The following PARD3 variants were observed in gnomAD, a reference collection of about 807,000 sequenced individuals.
The protein encoded by PARD3 is partitioning defective 3 homolog.
Under a neutral mutation model 155.4 loss-of-function variants are expected in PARD3, and 75 were observed. The observed-to-expected ratio is 0.48, with a 90% CI of 0.40 to 0.58. The LOEUF is 0.58. PARD3 is among the 20% of genes least tolerant of loss of function. The pLI is 0.00. For synonymous variants in PARD3, 576 were observed against 610.5 expected, an observed-to-expected ratio of 0.94 and a Z score of 0.83; for missense variants, 1,642 against 1,721.7, an observed-to-expected ratio of 0.95 and a Z score of 0.82.
intron 2 of PARD3, among the ~76,000 whole-genome samples, chr10:34,678,956 A>T (rs1188141033): frequency 1.3e-5 from 2 of 152,076 alleles, no homozygotes; most frequent in African/African-American, 4.8e-5. Flanking sequence ...GTCCCAGAAA[A>T]AGAGTAATAC....
At chr10:34,125,144 GC>G (rs1334636518) in intron 23 of PARD3, among the ~76,000 whole-genome samples, 1 of 150,024 alleles carries the variant, frequency 6.7e-6, no homozygotes, top group East Asian at 1.9e-4. Flanking sequence ...TTGGCTCACT[GC>G]CACCTTAGCC....
intron 3 of PARD3, among the ~76,000 whole-genome samples, chr10:34,472,489 A>C (rs1383243429): frequency 1.3e-5 from 2 of 152,230 alleles, no homozygotes; most frequent in Non-Finnish European, 2.9e-5. Flanking sequence ...GTAAGGAAAA[A>C]AGCAACAAAA....
At chr10:34,639,864 A>ACACACACACAC (rs2092612170) in intron 2 of PARD3, among the ~76,000 whole-genome samples, 3 of 152,066 alleles carry the variant, frequency 2.0e-5, no homozygotes, top group Admixed American at 6.6e-5. Flanking sequence ...AGACACACAC[A>ACACACACACAC]CACACACACA....
rs182525502 is a variant in PARD3 at position 34,363,816 on chromosome 10, G to A, written c.1708-3557C>T. Reference sequence around the variant, plus strand: ...GCACATACATGTGTGTATACCTCAAGTGATTGTTTTCAGCAACAAAGCCTG... The same window carrying A: ...GCACATACATGTGTGTATACCTCAAATGATTGTTTTCAGCAACAAAGCCTG... On this transcript the variant is annotated intron_variant, in intron 12 of 24. Transcript: ENST00000374788. 3.7e-3 allele frequency among the ~76,000 whole-genome samples: 560 copies of A among 152,258 alleles called. 3 individuals are homozygous for A. The highest frequency in any genetic ancestry group is 3.6e-3 in the Non-Finnish European group (245 of 68,028).
intron 3 of PARD3, chr10:34,488,994 C>G (rs1589755497): frequency 1.3e-5 from 2 of 152,710 alleles, no homozygotes; most frequent in Admixed American, 1.3e-4. Context: ...GCCGCTTGCC[C>G]GCCCCACTAA....
At chr10:34,303,325 G>A (rs77646999) in intron 20 of PARD3, among the ~76,000 whole-genome samples, 3,839 of 152,072 alleles carry the variant, frequency 0.025, 148 homozygotes, top group African/African-American at 0.088. Flanking sequence ...CATCCTGTTA[G>A]AGTACCTACT....
At chr10:34,371,863 A>G (rs1840702414) in intron 12 of PARD3, among the ~76,000 whole-genome samples, 1 of 152,100 alleles carries the variant, frequency 6.6e-6, no homozygotes, top group African/African-American at 2.4e-5. Context: ...ACAGAGACTG[A>G]TAGAGCAATC....
chr10:34,238,512 CTCCCACACATAGGGG>C (rs750479639), intron 22 of PARD3, among the ~76,000 whole-genome samples: 11 of 152,158 alleles, frequency 7.2e-5, no homozygotes, highest in Non-Finnish European at 1.6e-4. Context: ...TCCCAAACAT[CTCCCACACATAGGGG>C]TCCCAGACAA....
intron 2 of PARD3, among the ~76,000 whole-genome samples, chr10:34,573,263 G>A (rs902518915): frequency 1.3e-5 from 2 of 152,136 alleles, no homozygotes; most frequent in African/African-American, 4.8e-5. Context: ...GGCTGAGGTT[G>A]GAGGATCACC....
At chr10:34,161,531 GA>G (rs1655941624) in intron 22 of PARD3, among the ~76,000 whole-genome samples, 1 of 152,076 alleles carries the variant, frequency 6.6e-6, no homozygotes, top group Non-Finnish European at 1.5e-5. Flanking sequence ...AAGACTGGTG[GA>G]AATCCCAAGA....
At chr10:34,802,549 G>A (rs1200579457) in intron 1 of PARD3, among the ~76,000 whole-genome samples, 3 of 152,170 alleles carry the variant, frequency 2.0e-5, no homozygotes, top group Non-Finnish European at 4.4e-5. Flanking sequence ...TACAGAGCTT[G>A]TATTATGTGT....
chr10:34,548,748 C>G (rs2084308603), intron 2 of PARD3, among the ~76,000 whole-genome samples: 1 of 151,802 alleles, frequency 6.6e-6, no homozygotes, highest in African/African-American at 2.4e-5. Flanking sequence ...ATAAAAGGGC[C>G]ACCGAGAAGG....
chr10:34,443,612 C>G (rs2076584836), intron 5 of PARD3, among the ~76,000 whole-genome samples: 2 of 152,088 alleles, frequency 1.3e-5, no homozygotes, highest in African/African-American at 4.8e-5. Flanking sequence ...ATGAGACTTA[C>G]TATCATGAGA....
chr10:34,487,821 A>G (rs555304920), intron 3 of PARD3, among the ~76,000 whole-genome samples: 1 of 152,294 alleles, frequency 6.6e-6, no homozygotes, highest in South Asian at 2.1e-4. Context: ...ACAATCATGT[A>G]ATTAAATTTT....
chr10:34,622,038 A>AT (rs1200503550), intron 2 of PARD3, among the ~76,000 whole-genome samples: 4 of 152,238 alleles, frequency 2.6e-5, no homozygotes, highest in Non-Finnish European at 5.9e-5. Context: ...ACCAGCACTC[A>AT]TAAAGGTGGC....
intron 3 of PARD3, among the ~76,000 whole-genome samples, chr10:34,515,851 C>T (rs577363882): frequency 6.6e-6 from 1 of 151,888 alleles, no homozygotes; most frequent in South Asian, 2.1e-4. Context: ...CATATTATTA[C>T]CCATCTGTTT....
At chr10:34,679,729 A>C (rs1317154209) in intron 2 of PARD3, among the ~76,000 whole-genome samples, 1 of 152,138 alleles carries the variant, frequency 6.6e-6, no homozygotes, top group African/African-American at 2.4e-5. Flanking sequence ...ATTTTATCTC[A>C]GGTCTCACTG....
chr10:34,454,811 G>T (rs1025309132), intron 4 of PARD3, among the ~76,000 whole-genome samples: 1 of 152,090 alleles, frequency 6.6e-6, no homozygotes, highest in African/African-American at 2.4e-5. Flanking sequence ...ACAGCATCAG[G>T]TGTCAAAAAG....
chr10:34,605,442 C>T lies in PARD3; in HGVS notation c.223-88283G>A, dbSNP rs1402416060. Among the ~76,000 whole-genome samples, 9 of 146,766 alleles carry T rather than the reference C, an allele frequency of 6.1e-5. No individual in the cohort carries two copies. In the East Asian group the frequency reaches 1.6e-3, roughly 26 times the overall value. On this transcript the variant is annotated intron_variant, in intron 2 of 24. Transcript: ENST00000374788. ...TCTCCTGACCTCATGATCCGCCCAC[C>T]TCGGCCTCCCAAAGTGCTGGGATTA...
Sources: gnomAD v4.1 joint callset for allele counts (sites outside exome capture counted in the v4.1 genomes callset) on GRCh38, gnomAD v4.1.1 for gene constraint, MANE v1.5 for transcripts, NCBI Gene and HGNC (gene_info 2026-07-23, HGNC 2026-07-21) for gene names.